Variants in MTMR7 observed in about 807,000 individuals in gnomAD.
MTMR7 encodes the protein myotubularin related protein 7.
A neutral mutation model predicts 81.2 loss-of-function variants in MTMR7; 76 were observed. That is an observed-to-expected ratio of 0.94 (90% CI 0.78 to 1.13). The LOEUF (loss-of-function observed/expected upper bound fraction) is 1.13. Among genes scored for constraint, MTMR7 ranks in the 50% most tolerant of loss-of-function variants. The pLI is 0.00. For synonymous variants in MTMR7, 372 were observed against 289.8 expected, an observed-to-expected ratio of 1.28 and a Z score of -2.88; for missense variants, 1,044 against 820.0, an observed-to-expected ratio of 1.27 and a Z score of -3.34.
chr8:17,339,479 C>T (rs1480893969), intron 6 of MTMR7, among the ~76,000 whole-genome samples: 1 of 152,204 alleles, frequency 6.6e-6, no homozygotes, highest in East Asian at 1.9e-4. Flanking sequence ...TTCAATAGCT[C>T]TGAAATTGCC....
At chr8:17,402,912 T>A (rs754640497) in intron 1 of MTMR7, among the ~76,000 whole-genome samples, 1 of 152,230 alleles carries the variant, frequency 6.6e-6, no homozygotes, top group Non-Finnish European at 1.5e-5. Flanking sequence ...GCATTTGTTA[T>A]TGCCTGTCTT....
At chr8:17,312,844 T>TA (rs1448583710) in intron 8 of MTMR7, among the ~76,000 whole-genome samples, 1 of 152,158 alleles carries the variant, frequency 6.6e-6, no homozygotes, top group African/African-American at 2.4e-5. Flanking sequence ...CATTGCATTC[T>TA]AAAACAGCTT....
At chr8:17,302,384 C>G (rs1817174841) in intron 12 of MTMR7, 104 bp from the exon 13 acceptor site, 1 of 1,299,018 alleles carries the variant, frequency 7.7e-7, no homozygotes, top group Non-Finnish European at 1.0e-6. Flanking sequence ...TTAATAATAA[C>G]CAAATGCAAA....
intron 7 of MTMR7, among the ~76,000 whole-genome samples, chr8:17,319,735 C>T (rs946987897): frequency 5.3e-5 from 8 of 152,184 alleles, no homozygotes; most frequent in Admixed American, 1.3e-4. Flanking sequence ...CATCTCCCAG[C>T]TGATGGATAC....
chr8:17,383,571 T>C (rs1054400312), intron 1 of MTMR7, among the ~76,000 whole-genome samples: 1 of 152,214 alleles, frequency 6.6e-6, no homozygotes, highest in African/African-American at 2.4e-5. Context: ...CTGGGTCTAA[T>C]ATTGCAAATG....
chr8:17,316,296 T>G (rs928652447), intron 7 of MTMR7, among the ~76,000 whole-genome samples: 2 of 151,974 alleles, frequency 1.3e-5, no homozygotes, highest in African/African-American at 4.8e-5. Context: ...TACATATATA[T>G]TATAGTCTGC....
intron 7 of MTMR7, among the ~76,000 whole-genome samples, chr8:17,319,274 A>G (rs183594269): frequency 1.8e-4 from 27 of 152,316 alleles, no homozygotes; most frequent in Admixed American, 3.3e-4. Flanking sequence ...CACCTTCCTC[A>G]AACAGTTGTG....
chr8:17,301,869 T>A lies in MTMR7; in HGVS notation c.1620+285A>T, dbSNP rs192827288. The A allele has an allele frequency of 9.1e-4, 380 of 416,116 alleles. 1 individual carries two copies. The highest frequency in any genetic ancestry group is 1.4e-3 in the Non-Finnish European group (322 of 237,036). 25.8% of individuals were successfully genotyped at this position (416,116 alleles called of 1,614,324 possible). A position where few individuals can be genotyped will look rare whatever the true frequency, so the allele number is the denominator to read the frequency against. On this transcript the variant is annotated intron_variant, in intron 13 of 13. Transcript: ENST00000180173. ...TTCACACTTTCCAGAAAAAAATTAA[T>A]TTTACTACTCTCAAATAACAGTAAC...
chr8:17,356,824 G>A lies in MTMR7; in HGVS notation c.468+4293C>T, dbSNP rs142647828. Among the ~76,000 whole-genome samples, 520 of 152,200 alleles carry A rather than the reference G, an allele frequency of 3.4e-3. 1 individual carries two copies. The highest frequency in any genetic ancestry group is 0.012 in the African/African-American group (492 of 41,504). ...GGGATCAACAAAGAAGAATACCAGC[G>A]AATATCACATCAATACCAACCGTCG... On this transcript the variant is annotated intron_variant, in intron 4 of 13. Coordinates refer to ENST00000180173, the MANE Select transcript of MTMR7 (RefSeq NM_004686.5).
chr8:17,373,301 A>C, intron 1 of MTMR7, 61 bp from the exon 2 acceptor site: 1 of 1,552,424 alleles, frequency 6.4e-7, no homozygotes, highest in Non-Finnish European at 8.7e-7. Flanking sequence ...TCACGAAATA[A>C]ATGATAACAG....
At chr8:17,331,715 T>C (rs1276077244) in intron 6 of MTMR7, among the ~76,000 whole-genome samples, 2 of 152,164 alleles carry the variant, frequency 1.3e-5, no homozygotes, top group East Asian at 1.9e-4. Flanking sequence ...TAGTATTAGA[T>C]TGCCAATAAA....
At chr8:17,302,430 A>C in intron 12 of MTMR7, 150 bp from the exon 13 acceptor site, 1 of 786,906 alleles carries the variant, frequency 1.3e-6, no homozygotes, top group Non-Finnish European at 1.9e-6. Flanking sequence ...TAAGGTAATA[A>C]TTTCATGTTG....
At chr8:17,368,944 G>C (rs1820321299) in intron 3 of MTMR7, among the ~76,000 whole-genome samples, 1 of 152,122 alleles carries the variant, frequency 6.6e-6, no homozygotes, top group African/African-American at 2.4e-5. Context: ...CGAAAATGAG[G>C]GAACACAGTA....
chr8:17,386,909 ACCAAAG>A (rs1284613234), intron 1 of MTMR7, among the ~76,000 whole-genome samples: 1 of 152,156 alleles, frequency 6.6e-6, no homozygotes, highest in African/African-American at 2.4e-5. Context: ...ATGATGGGTG[ACCAAAG>A]CCCAGCACAT....
chr8:17,299,777 C>T lies in MTMR7; in HGVS notation c.*85G>A, dbSNP rs1816982496. 13 of 1,541,210 alleles carry T rather than the reference C, an allele frequency of 8.4e-6. No individual in the cohort carries two copies. In the South Asian group the frequency reaches 1.5e-4, roughly 18 times the overall value. On this transcript the variant is annotated 3_prime_UTR_variant, in exon 14 of 14. Coordinates refer to ENST00000180173, the MANE Select transcript of MTMR7 (RefSeq NM_004686.5). ...AGTTCTCAATGACATGCACCATTTC[C>T]TGTTTTTACAATAAACCACCTTGTT...
chr8:17,311,443 T>C, intron 9 of MTMR7, 68 bp downstream of exon 9: 1 of 1,601,498 alleles, frequency 6.2e-7, no homozygotes. Context: ...TTGCCAGTAG[T>C]TGTAAAAACA....
At chr8:17,331,010 T>G in intron 7 of MTMR7, 140 bp downstream of exon 7, 2 of 1,036,226 alleles carry the variant, frequency 1.9e-6, no homozygotes, top group Non-Finnish European at 2.7e-6. Context: ...CTTAAGTGTT[T>G]AAAAAGCCAC....
chr8:17,351,471 C>G (rs1344977876), intron 4 of MTMR7, among the ~76,000 whole-genome samples: 1 of 152,228 alleles, frequency 6.6e-6, no homozygotes, highest in Non-Finnish European at 1.5e-5. Flanking sequence ...TCTTGATTCA[C>G]AAAGGAGCAA....
intron 1 of MTMR7, among the ~76,000 whole-genome samples, chr8:17,398,911 A>G (rs1821339119): frequency 6.6e-6 from 1 of 152,214 alleles, no homozygotes; most frequent in South Asian, 2.1e-4. Context: ...CATCAATTTA[A>G]AATAATGGAT....
Sources: allele counts gnomAD v4.1 joint callset (sites outside exome capture counted in the v4.1 genomes callset), GRCh38; gene constraint gnomAD v4.1.1; transcripts MANE v1.5; gene names NCBI Gene and HGNC (gene_info 2026-07-23, HGNC 2026-07-21).